Variants in REEP1 observed in about 807,000 individuals in gnomAD.
REEP1 encodes receptor expression-enhancing protein 1.
A neutral mutation model predicts 40.3 loss-of-function variants in REEP1; 22 were observed. That is an observed-to-expected ratio of 0.55 (90% CI 0.39 to 0.78). REEP1 has a LOEUF of 0.78. Ranked by LOEUF, REEP1 falls within the 30% of genes least tolerant of loss-of-function variation. The pLI is 0.00. For missense variants in REEP1, 280 were observed against 361.1 expected (o/e 0.78, Z 1.82); for synonymous variants, 116 against 139.2 (o/e 0.83, Z 1.17).
At chr2:86,317,264 GA>G (rs906116061) in intron 1 of REEP1, among the ~76,000 whole-genome samples, 1 of 150,046 alleles carries the variant, frequency 6.7e-6, no homozygotes, top group Non-Finnish European at 1.5e-5. Context: ...ATAGAAACAG[GA>G]AAAAAAAACA....
intron 1 of REEP1, among the ~76,000 whole-genome samples, chr2:86,335,307 C>T (rs539114420): frequency 5.9e-5 from 9 of 152,208 alleles, no homozygotes; most frequent in African/African-American, 1.7e-4. Flanking sequence ...AATCAATATG[C>T]TTATGCTAGG....
intron 5 of REEP1, among the ~76,000 whole-genome samples, chr2:86,240,251 G>C (rs1050382806): frequency 6.6e-6 from 1 of 152,336 alleles, no homozygotes; most frequent in East Asian, 1.9e-4. Flanking sequence ...GCACCGCAGA[G>C]GAACAAAGAC....
intron 5 of REEP1, among the ~76,000 whole-genome samples, chr2:86,237,596 C>T (rs1219834807): frequency 6.6e-6 from 1 of 152,204 alleles, no homozygotes; most frequent in East Asian, 1.9e-4. Context: ...AATCTTGGCT[C>T]ACTGCAACCT....
At chr2:86,228,776 T>C (rs1321831530) in intron 6 of REEP1, among the ~76,000 whole-genome samples, 1 of 152,166 alleles carries the variant, frequency 6.6e-6, no homozygotes, top group African/African-American at 2.4e-5. Flanking sequence ...TATGTGCCTT[T>C]ACATGACTTT....
intron 5 of REEP1, among the ~76,000 whole-genome samples, chr2:86,243,118 G>A (rs1372664938): frequency 5.3e-5 from 8 of 152,128 alleles, no homozygotes; most frequent in African/African-American, 9.7e-5. Flanking sequence ...AGGTGACAGC[G>A]GAAGGTGAGG....
rs1284381587 is a variant in REEP1, at chr2:86,337,502, T to C, written c.9A>G (p.Ser3=). MV[S]WIISRLVVLI... ...ACACCACCAGCCTGGAGATGATCCA[T>C]GACACCATGGCGGGCAGGCGGGCGG... Residue 3 remains serine, a synonymous_variant, in exon 1 of 9, where the codon TCA becomes TCG. Transcript: ENST00000538924. The surrounding 1 kb of genome is among the most constrained non-coding windows in gnomAD (Gnocchi z 5.8). 1.8e-5 allele frequency: 24 copies of C among 1,298,002 alleles called. No individual in the cohort carries two copies. Among genetic ancestry groups the C allele is most frequent in the Non-Finnish European group, 2.4e-5 (24 of 1,015,600 alleles). 80.4% of individuals were successfully genotyped at this position (1,298,002 alleles called of 1,614,324 possible). A position where few individuals can be genotyped will look rare whatever the true frequency, so the allele number is the denominator to read the frequency against.
chr2:86,304,034 G>T (rs141168918), intron 1 of REEP1, among the ~76,000 whole-genome samples: 1 of 152,288 alleles, frequency 6.6e-6, no homozygotes, highest in East Asian at 1.9e-4. Context: ...TAGATATGTA[G>T]TAAATAGGAA....
At chr2:86,217,669 T>TC (rs1420263324) in intron 8 of REEP1, among the ~76,000 whole-genome samples, 2 of 53,724 alleles carry the variant, frequency 3.7e-5, no homozygotes, top group African/African-American at 6.6e-5. Context: ...ATTTCAGATT[T>TC]TTTTTTTTTT....
intron 2 of REEP1, among the ~76,000 whole-genome samples, chr2:86,269,907 G>A (rs895433458): frequency 6.7e-6 from 1 of 150,266 alleles, no homozygotes; most frequent in African/African-American, 2.4e-5. Flanking sequence ...CACAGATTGG[G>A]AGAAAATATT....
chr2:86,219,255 C>T (rs1031690642), intron 8 of REEP1, among the ~76,000 whole-genome samples: 26 of 152,162 alleles, frequency 1.7e-4, no homozygotes, highest in African/African-American at 9.7e-5. Flanking sequence ...GGAGATACAG[C>T]GATGAACAAG....
At chr2:86,300,171 C>T (rs1191552467) in intron 1 of REEP1, among the ~76,000 whole-genome samples, 1 of 152,178 alleles carries the variant, frequency 6.6e-6, no homozygotes, top group East Asian at 1.9e-4. Flanking sequence ...CTAAGGAGCT[C>T]TTTGTTTTAC....
chr2:86,316,899 C>T (rs940410220), intron 1 of REEP1, among the ~76,000 whole-genome samples: 4 of 152,076 alleles, frequency 2.6e-5, no homozygotes, highest in African/African-American at 9.7e-5. Flanking sequence ...ACCATGGTTT[C>T]GGGCAGTATC....
chr2:86,251,886 C>A (rs750775472), intron 5 of REEP1, 71 bp downstream of exon 5: 14 of 1,036,062 alleles, frequency 1.4e-5, no homozygotes, highest in Non-Finnish European at 2.0e-5. Flanking sequence ...TCTGTGTGGT[C>A]GCACAGGTGA....
intron 5 of REEP1, among the ~76,000 whole-genome samples, chr2:86,241,499 G>C (rs1443655013): frequency 6.6e-6 from 1 of 152,146 alleles, no homozygotes; most frequent in Non-Finnish European, 1.5e-5. Flanking sequence ...TGGGGTGTGA[G>C]AGACTCTAAA....
Position 86,337,268 on chromosome 2 carries a change from C to G in REEP1, c.32+211G>C, listed in dbSNP as rs1681092076. The G allele has an allele frequency of 3.7e-6, 1 of 271,992 alleles. No homozygotes were observed. The highest frequency in any genetic ancestry group is 5.5e-5 in the Admixed American group (1 of 18,328). The allele number at this position is 271,992 out of a possible 1,614,324, so 16.8% of individuals were successfully genotyped here. On this transcript the variant is annotated intron_variant, in intron 1 of 8. Transcript: ENST00000538924. The surrounding 1 kb of genome is among the most constrained non-coding windows in gnomAD (Gnocchi z 5.8). ...CGGCCCAGCCCCCCGCAAGCGGCCG[C>G]CGGCGCCGGCTGCCTCCTGGGCAGC...
chr2:86,276,310 C>A (rs1044675434), intron 2 of REEP1, among the ~76,000 whole-genome samples: 1 of 152,154 alleles, frequency 6.6e-6, no homozygotes, highest in African/African-American at 2.4e-5. Flanking sequence ...ATGGAGTGGG[C>A]GGCATAGGGT....
chr2:86,254,946 G>A, intron 3 of REEP1, 132 bp from the exon 4 acceptor site: 1 of 926,448 alleles, frequency 1.1e-6, no homozygotes. Flanking sequence ...AGATTCCTCT[G>A]TCCTCCACCT....
chr2:86,294,117 A>G (rs1678860327), intron 1 of REEP1, among the ~76,000 whole-genome samples: 1 of 152,212 alleles, frequency 6.6e-6, no homozygotes, highest in Non-Finnish European at 1.5e-5. Flanking sequence ...AAAAATAGAA[A>G]GTAGAATGGT....
At chr2:86,241,730 GT>G (rs1675676072) in intron 5 of REEP1, among the ~76,000 whole-genome samples, 1 of 152,190 alleles carries the variant, frequency 6.6e-6, no homozygotes, top group African/African-American at 2.4e-5. Flanking sequence ...CCCCTGCTTG[GT>G]TTCCTCCCTG....
Sources: allele counts gnomAD v4.1 joint callset (sites outside exome capture counted in the v4.1 genomes callset), GRCh38; gene constraint gnomAD v4.1.1; non-coding constraint Gnocchi (gnomAD v3.1); transcripts MANE v1.5; gene names NCBI Gene and HGNC (gene_info 2026-07-23, HGNC 2026-07-21).